THSD7A: variants seen among roughly 807,000 people sequenced by gnomAD.
THSD7A encodes thrombospondin type 1 domain containing 7A.
In THSD7A, 96 loss-of-function variants were observed where a neutral mutation model predicts 231.3. That is an observed-to-expected ratio of 0.41 (90% CI 0.35 to 0.49). THSD7A has a LOEUF of 0.49. Among genes scored for constraint, THSD7A ranks in the 20% least tolerant of loss-of-function variants. THSD7A has a pLI of 0.05. For missense variants in THSD7A, 2,290 were observed against 2,070.2 expected, an observed-to-expected ratio of 1.11 and a Z score of -2.06; for synonymous variants, 940 against 743.3, an observed-to-expected ratio of 1.26 and a Z score of -4.30.
chr7:11,618,780 G>C (rs1383135167), intron 2 of THSD7A, among the ~76,000 whole-genome samples: 1 of 149,552 alleles, frequency 6.7e-6, no homozygotes, highest in Non-Finnish European at 1.5e-5. Flanking sequence ...GACAGAGCGA[G>C]ACTCTGACTC....
intron 1 of THSD7A, among the ~76,000 whole-genome samples, chr7:11,753,544 TTCTCTCTCTCTCTCTC>T (rs35547018): frequency 1.4e-5 from 2 of 141,714 alleles, no homozygotes; most frequent in African/African-American, 5.2e-5. Context: ...ATGCAGCCCT[TTCTCTCTCTCTCTCTC>T]TCTCTCTCTC....
chr7:11,400,224 T>C (rs1392151043), intron 23 of THSD7A, among the ~76,000 whole-genome samples: 2 of 151,164 alleles, frequency 1.3e-5, no homozygotes, highest in Non-Finnish European at 3.0e-5. Flanking sequence ...GACGAGTTAA[T>C]GGGTGCAGCA....
At chr7:11,465,635 G>T (rs1785672045) in intron 9 of THSD7A, among the ~76,000 whole-genome samples, 1 of 151,974 alleles carries the variant, frequency 6.6e-6, no homozygotes, top group Non-Finnish European at 1.5e-5. Flanking sequence ...ATAGGAAATT[G>T]AAAGGGAAAT....
rs1370696564 is a variant in THSD7A at position 11,581,392 on chromosome 7, A to C, written c.1453+9068T>G. On this transcript the variant is annotated intron_variant, in intron 4 of 27. Coordinates refer to ENST00000423059, the MANE Select transcript of THSD7A (RefSeq NM_015204.3). ...TATGACTCATATACTTTATTAGTAC[A>C]TCATCCATGACTTTGTACCAGACAC... Among the ~76,000 whole-genome samples the C allele has an allele frequency of 2.6e-5, 4 of 152,232 alleles. No homozygotes were observed. In the East Asian group the frequency reaches 5.8e-4, roughly 22 times the overall value.
intron 1 of THSD7A, among the ~76,000 whole-genome samples, chr7:11,759,562 T>C (rs1782790253): frequency 6.6e-6 from 1 of 151,970 alleles, no homozygotes; most frequent in African/African-American, 2.4e-5. Context: ...GAAGAAATAA[T>C]AACTAAATTT....
chr7:11,632,946 G>A lies in THSD7A; in HGVS notation c.1022+3184C>T, dbSNP rs553269281. On this transcript the variant is annotated intron_variant, in intron 2 of 27. Transcript: ENST00000423059. This position sits in a 1 kb window ranked among gnomAD's most constrained non-coding sequence, Gnocchi z 4.1. ...TTTCATATAGTAATGTCCTTTGTTTGCATATCCATTATCTCTTTTAAAAAT... is the reference window on the plus strand; with the variant it reads ...TTTCATATAGTAATGTCCTTTGTTTACATATCCATTATCTCTTTTAAAAAT... Among the ~76,000 whole-genome samples, 8 of 152,178 alleles carry A rather than the reference G, an allele frequency of 5.3e-5. No homozygotes were observed. The South Asian group carries it at 1.0e-3, about 20-fold the overall frequency.
chr7:11,555,051 G>A (rs1008578251), intron 4 of THSD7A, among the ~76,000 whole-genome samples: 2 of 151,682 alleles, frequency 1.3e-5, no homozygotes, highest in Non-Finnish European at 2.9e-5. Context: ...CCAGCTGTTT[G>A]TTTTATTGGT....
intron 1 of THSD7A, among the ~76,000 whole-genome samples, chr7:11,694,547 G>C (rs1464048746): frequency 2.6e-5 from 4 of 151,534 alleles, no homozygotes; most frequent in African/African-American, 9.7e-5. Flanking sequence ...TGCAGAGAGA[G>C]TAGCTGACTG....
At chr7:11,525,029 C>T (rs1404276947) in intron 6 of THSD7A, among the ~76,000 whole-genome samples, 4 of 152,198 alleles carry the variant, frequency 2.6e-5, no homozygotes, top group African/African-American at 9.6e-5. Context: ...GTTCTTCATA[C>T]ACATTATCAT....
intron 25 of THSD7A, 123 bp from the exon 26 acceptor site, chr7:11,379,403 T>C: frequency 2.1e-6 from 2 of 970,558 alleles, no homozygotes; most frequent in Admixed American, 2.6e-5. Flanking sequence ...ATAATTCCTC[T>C]ATTATTTTTA....
intron 1 of THSD7A, among the ~76,000 whole-genome samples, chr7:11,792,513 C>T (rs1294972399): frequency 6.6e-6 from 1 of 151,776 alleles, no homozygotes; most frequent in Admixed American, 6.6e-5. Context: ...AATCACAGCT[C>T]CACCACACAG....
intron 11 of THSD7A, among the ~76,000 whole-genome samples, chr7:11,450,800 T>C (rs1184284012): frequency 6.6e-6 from 1 of 152,024 alleles, no homozygotes; most frequent in Non-Finnish European, 1.5e-5. Context: ...ATGACACAAG[T>C]TCTCCTTTGA....
At chr7:11,449,589 A>G (rs1224494084) in intron 11 of THSD7A, among the ~76,000 whole-genome samples, 1 of 152,108 alleles carries the variant, frequency 6.6e-6, no homozygotes, top group Non-Finnish European at 1.5e-5. Context: ...GTTCAAAGGA[A>G]GGGCATGATA....
intron 23 of THSD7A, among the ~76,000 whole-genome samples, chr7:11,386,002 T>G (rs1007493695): frequency 6.6e-6 from 1 of 152,196 alleles, no homozygotes; most frequent in African/African-American, 2.4e-5. Flanking sequence ...TTGCTAAGAA[T>G]GATGGTTTCT....
chr7:11,387,212 A>ATGAAACTTAAAGTAGTTTTTTTC (rs1782784288), intron 23 of THSD7A, among the ~76,000 whole-genome samples: 1 of 152,130 alleles, frequency 6.6e-6, no homozygotes, highest in Non-Finnish European at 1.5e-5. Context: ...TTTGTTCCAG[A>ATGAAACTTAAAGTAGTTTTTTTC]TGAAACTTAA....
intron 6 of THSD7A, among the ~76,000 whole-genome samples, 157 bp from the exon 7 acceptor site, chr7:11,482,139 T>G (rs189626329): frequency 9.8e-5 from 15 of 152,308 alleles, no homozygotes; most frequent in Non-Finnish European, 2.2e-4. Context: ...TAGCCAGATG[T>G]TAATAGAACA....
At chr7:11,560,274 A>G (rs1189118213) in intron 4 of THSD7A, among the ~76,000 whole-genome samples, 1 of 152,204 alleles carries the variant, frequency 6.6e-6, no homozygotes, top group Non-Finnish European at 1.5e-5. Context: ...GAAAGCAGTC[A>G]TGAATATCAG....
intron 6 of THSD7A, among the ~76,000 whole-genome samples, chr7:11,486,553 G>C (rs375008062): frequency 2.0e-5 from 3 of 151,920 alleles, no homozygotes; most frequent in African/African-American, 7.3e-5. Context: ...TATCACTACT[G>C]TGATTTGTGT....
At chr7:11,653,005 C>T (rs1371195592) in intron 1 of THSD7A, among the ~76,000 whole-genome samples, 1 of 151,812 alleles carries the variant, frequency 6.6e-6, no homozygotes, top group Non-Finnish European at 1.5e-5. Context: ...TTTTTAGTAA[C>T]ATCTTCTCAA....
Sources: allele counts gnomAD v4.1 joint callset (sites outside exome capture counted in the v4.1 genomes callset), GRCh38; gene constraint gnomAD v4.1.1; non-coding constraint Gnocchi (gnomAD v3.1); transcripts MANE v1.5; gene names NCBI Gene and HGNC (gene_info 2026-07-23, HGNC 2026-07-21).